Variants in CAMK1D observed in about 807,000 individuals in gnomAD.
CAMK1D encodes the protein calcium/calmodulin dependent protein kinase ID, also known as calcium/calmodulin-dependent protein kinase type 1D.
CAMK1D carries 9 observed loss-of-function variants against 47.7 expected under a neutral mutation model. That is an observed-to-expected ratio of 0.19 (90% CI 0.11 to 0.33). The LOEUF (loss-of-function observed/expected upper bound fraction) is 0.33. Among genes scored for constraint, CAMK1D ranks in the 10% least tolerant of loss-of-function variants. The probability of loss-of-function intolerance (pLI) is 1.00; values close to 1 mark genes in which losing one functional copy is unlikely to be tolerated. For synonymous variants in CAMK1D, 184 were observed against 184.9 expected (o/e 0.99, Z 0.04); for missense variants, 291 against 488.7 (o/e 0.60, Z 3.81).
At chr10:12,449,929 C>T (rs956041629) in intron 1 of CAMK1D, among the ~76,000 whole-genome samples, 1 of 151,934 alleles carries the variant, frequency 6.6e-6, no homozygotes, top group African/African-American at 2.4e-5. Context: ...ACTTGGGAGG[C>T]AGAGGTTGCA....
At chr10:12,533,993 T>A (rs1249567177) in intron 1 of CAMK1D, among the ~76,000 whole-genome samples, 1 of 152,180 alleles carries the variant, frequency 6.6e-6, no homozygotes, top group East Asian at 1.9e-4. Flanking sequence ...GATAGCTGAA[T>A]CAACCCCTTT....
rs1366820098 is a variant in CAMK1D at position 12,749,316 on chromosome 10, C to T, written c.300-11632C>T. Among the ~76,000 whole-genome samples the T allele has an allele frequency of 4.0e-5, 6 of 150,840 alleles. No homozygotes were observed. The East Asian group carries it at 9.7e-4, about 24-fold the overall frequency. On this transcript the variant is annotated intron_variant, in intron 3 of 10. Transcript: ENST00000619168. ...TAAGGCTAGTGCATACTATTAATAC[C>T]AACATAATGTGGTTTTATAGGTTGT...
chr10:12,642,060 AAAG>A (rs1021558260), intron 2 of CAMK1D, among the ~76,000 whole-genome samples: 2 of 151,920 alleles, frequency 1.3e-5, no homozygotes, highest in Non-Finnish European at 1.5e-5. Context: ...AAAAAAAAAA[AAAG>A]AAAGAAAAGG....
intron 1 of CAMK1D, among the ~76,000 whole-genome samples, chr10:12,527,831 G>A (rs1161462325): frequency 6.6e-6 from 1 of 152,184 alleles, no homozygotes. Flanking sequence ...TGTATTCTGT[G>A]CAGAAATTTA....
chr10:12,584,549 G>A (rs1837759878), intron 2 of CAMK1D, among the ~76,000 whole-genome samples: 1 of 152,160 alleles, frequency 6.6e-6, no homozygotes, highest in African/African-American at 2.4e-5. Flanking sequence ...GCTGGGCGTG[G>A]TGGCTCTCGC....
At chr10:12,768,667 A>G (rs1836892777) in intron 4 of CAMK1D, among the ~76,000 whole-genome samples, 1 of 151,854 alleles carries the variant, frequency 6.6e-6, no homozygotes, top group Non-Finnish European at 1.5e-5. Flanking sequence ...CGTCACCATG[A>G]TGATGAATCC....
intron 1 of CAMK1D, among the ~76,000 whole-genome samples, chr10:12,493,134 A>G (rs909995626): frequency 6.6e-5 from 10 of 152,228 alleles, no homozygotes; most frequent in African/African-American, 2.4e-4. Context: ...CACGGTTTCT[A>G]GAAACAACCC....
intron 3 of CAMK1D, among the ~76,000 whole-genome samples, chr10:12,668,175 C>G (rs535911648): frequency 1.3e-5 from 2 of 152,228 alleles, no homozygotes; most frequent in Non-Finnish European, 2.9e-5. Context: ...GGGAGCATGC[C>G]CTAGAAGTTC....
chr10:12,650,465 A>G (rs1839929138), intron 2 of CAMK1D, among the ~76,000 whole-genome samples: 1 of 152,062 alleles, frequency 6.6e-6, no homozygotes, highest in Admixed American at 6.5e-5. Flanking sequence ...TGTTTTATCT[A>G]TCTTCAGGGC....
At chr10:12,651,076 T>A (rs1238236365) in intron 2 of CAMK1D, among the ~76,000 whole-genome samples, 1 of 152,198 alleles carries the variant, frequency 6.6e-6, no homozygotes, top group Non-Finnish European at 1.5e-5. Flanking sequence ...TACGGCACTT[T>A]GCTCCCACCT....
intron 3 of CAMK1D, among the ~76,000 whole-genome samples, chr10:12,694,922 G>A (rs1364406073): frequency 2.0e-5 from 3 of 152,008 alleles, no homozygotes; most frequent in Admixed American, 6.6e-5. Context: ...TCATGGATGT[G>A]TAAGTGTACA....
chr10:12,478,190 A>G (rs1215545659), intron 1 of CAMK1D, among the ~76,000 whole-genome samples: 2 of 151,006 alleles, frequency 1.3e-5, no homozygotes, highest in Non-Finnish European at 3.0e-5. Context: ...GTATTTTTTT[A>G]GTAGAGACGG....
At chr10:12,663,173 C>G (rs1375200090) in intron 2 of CAMK1D, among the ~76,000 whole-genome samples, 6 of 151,670 alleles carry the variant, frequency 4.0e-5, no homozygotes, top group Non-Finnish European at 5.9e-5. Flanking sequence ...GTTGGCCAGG[C>G]TGGTCTGGAA....
chr10:12,478,710 G>A (rs187398438), intron 1 of CAMK1D, among the ~76,000 whole-genome samples: 21 of 152,246 alleles, frequency 1.4e-4, no homozygotes, highest in Non-Finnish European at 2.6e-4. Flanking sequence ...AGGTAACCTG[G>A]ACTGGCGACC....
intron 1 of CAMK1D, among the ~76,000 whole-genome samples, chr10:12,469,254 G>A (rs1171154058): frequency 1.3e-5 from 2 of 152,102 alleles, no homozygotes; most frequent in African/African-American, 4.8e-5. Flanking sequence ...AAGCCACCCA[G>A]CATTTCTATA....
intron 1 of CAMK1D, among the ~76,000 whole-genome samples, chr10:12,402,719 G>T (rs1839272492): frequency 6.6e-6 from 1 of 152,130 alleles, no homozygotes; most frequent in Non-Finnish European, 1.5e-5. Context: ...GGGTTGGAGG[G>T]GCAGGATAGA....
At chr10:12,766,073 C>G (rs528629913) in intron 4 of CAMK1D, among the ~76,000 whole-genome samples, 1 of 148,410 alleles carries the variant, frequency 6.7e-6, no homozygotes. Context: ...TCAAGTGATT[C>G]TCCTGCCTCA....
chr10:12,417,052 C>G (rs1287368218), intron 1 of CAMK1D, among the ~76,000 whole-genome samples: 2 of 152,162 alleles, frequency 1.3e-5, no homozygotes, highest in Non-Finnish European at 2.9e-5. Flanking sequence ...CTCAAGCCCC[C>G]GAAGCCTCTC....
intron 1 of CAMK1D, among the ~76,000 whole-genome samples, chr10:12,545,732 G>A (rs1213354860): frequency 2.0e-5 from 3 of 151,342 alleles, no homozygotes; most frequent in Non-Finnish European, 2.9e-5. Context: ...CCAGGGAGTC[G>A]GAGGTTGCAG....
Sources: allele counts gnomAD v4.1 joint callset (sites outside exome capture counted in the v4.1 genomes callset), GRCh38; gene constraint gnomAD v4.1.1; transcripts MANE v1.5; gene names NCBI Gene and HGNC (gene_info 2026-07-23, HGNC 2026-07-21).